Variants in SLC22A24 observed in about 807,000 individuals in gnomAD.
SLC22A24 encodes solute carrier family 22 member 24.
SLC22A24 carries 53 observed loss-of-function variants against 49.8 expected under a neutral mutation model. The ratio of observed to expected loss-of-function variants is 1.06; its 90% CI spans 0.85 to 1.34. The LOEUF (loss-of-function observed/expected upper bound fraction) is 1.34. Among genes scored for constraint, SLC22A24 ranks in the 40% most tolerant of loss-of-function variants. SLC22A24 has a pLI of 0.00. For synonymous variants in SLC22A24, 302 were observed against 256.4 expected (o/e 1.18, Z -1.70); for missense variants, 786 against 675.9 (o/e 1.16, Z -1.81).
chr11:63,100,103 T>C (rs1330120867), intron 5 of SLC22A24, among the ~76,000 whole-genome samples: 1 of 152,098 alleles, frequency 6.6e-6, no homozygotes, highest in African/African-American at 2.4e-5. Context: ...CAGATATAAA[T>C]GGCATCCAAA....
At chr11:63,142,123 T>C (rs904540503) in intron 1 of SLC22A24, among the ~76,000 whole-genome samples, 17 of 152,166 alleles carry the variant, frequency 1.1e-4, no homozygotes, top group African/African-American at 3.9e-4. Flanking sequence ...ACTAAAACTA[T>C]AGATGAGAGT....
chr11:63,130,576 A>G (rs11824793), intron 2 of SLC22A24, among the ~76,000 whole-genome samples: 4,163 of 152,322 alleles, frequency 0.027, 183 homozygotes, highest in African/African-American at 0.095. Flanking sequence ...TACCTATGGC[A>G]GAATTCGGCT....
At chr11:63,083,990 G>A (rs894855453) in intron 6 of SLC22A24, among the ~76,000 whole-genome samples, 6 of 152,024 alleles carry the variant, frequency 3.9e-5, no homozygotes, top group African/African-American at 9.7e-5. Context: ...GTATAATCTG[G>A]CCCACAGATT....
chr11:63,103,279 G>A (rs113532193), intron 5 of SLC22A24, among the ~76,000 whole-genome samples: 1 of 151,986 alleles, frequency 6.6e-6, no homozygotes, highest in East Asian at 1.9e-4. Flanking sequence ...AATGCTATTT[G>A]TCTTCCTTTT....
chr11:63,131,805 C>G (rs1204863301), intron 2 of SLC22A24, among the ~76,000 whole-genome samples: 1 of 152,098 alleles, frequency 6.6e-6, no homozygotes, highest in Admixed American at 6.6e-5. Flanking sequence ...CTCTGTATTT[C>G]CTGGATTTGA....
chr11:63,105,553 CAT>C (rs2087115604), intron 4 of SLC22A24, among the ~76,000 whole-genome samples: 1 of 152,218 alleles, frequency 6.6e-6, no homozygotes, highest in Non-Finnish European at 1.5e-5. Flanking sequence ...TTGGGGCTTG[CAT>C]CCTCTGAAGC....
chr11:63,142,755 C>T (rs2087423431), intron 1 of SLC22A24, among the ~76,000 whole-genome samples: 2 of 152,038 alleles, frequency 1.3e-5, no homozygotes, highest in Admixed American at 1.3e-4. Flanking sequence ...AGTGACTCAG[C>T]ACAAGAAGGC....
chr11:63,135,686 A>T (rs945390205), intron 1 of SLC22A24, among the ~76,000 whole-genome samples: 3 of 152,234 alleles, frequency 2.0e-5, no homozygotes, highest in South Asian at 2.1e-4. Flanking sequence ...TTTTATGTTT[A>T]TTTTTGACTA....
intron 2 of SLC22A24, among the ~76,000 whole-genome samples, chr11:63,126,167 G>A (rs1250544635): frequency 1.3e-5 from 2 of 152,220 alleles, no homozygotes; most frequent in East Asian, 3.9e-4. Flanking sequence ...AGTTTAATTA[G>A]ATCCCATTTG....
In SLC22A24 at chr11:63,132,509, G is replaced by C. The variant is rs548745745; in HGVS notation, c.506+2156C>G. Among the ~76,000 whole-genome samples the C allele has an allele frequency of 1.3e-3, 193 of 152,326 alleles. 1 individual carries two copies. The highest frequency in any genetic ancestry group is 4.5e-3 in the African/African-American group (186 of 41,566). ...GTTGATGGTGATGCTATTCCTTTCT[G>C]TTTGTTAGTTTTCATTCTAACAGTC... On this transcript the variant is annotated intron_variant, in intron 2 of 9. Coordinates refer to ENST00000612278, the MANE Select transcript of SLC22A24 (RefSeq NM_001136506.2).
intron 2 of SLC22A24, among the ~76,000 whole-genome samples, chr11:63,128,327 C>A (rs553098512): frequency 6.6e-6 from 1 of 152,040 alleles, no homozygotes; most frequent in Non-Finnish European, 1.5e-5. Context: ...TGGGAAGACA[C>A]CTGTTACCTA....
At position 63,080,017 on chromosome 11, in the gene SLC22A24, C is replaced by G. The variant is rs149833870; in HGVS notation, c.1599-17G>C. ...TCTTTTCTGCTGAGAAATAGAAATGCAAACAAAAACAAGATTAAGAAACAA... is the reference window on the plus strand; with the variant it reads ...TCTTTTCTGCTGAGAAATAGAAATGGAAACAAAAACAAGATTAAGAAACAA... On this transcript the variant is annotated splice_polypyrimidine_tract_variant and intron_variant, in intron 9 of 9. Transcript: ENST00000612278. 1 of 1,461,154 alleles carries G rather than the reference C, an allele frequency of 6.8e-7. No homozygotes were observed. The highest frequency in any genetic ancestry group is 2.0e-5 in the Admixed American group (1 of 50,594). The allele number at this position is 1,461,154 out of a possible 1,614,324, so 90.5% of individuals were successfully genotyped here.
Position 63,079,973 on chromosome 11 carries a change from CT to C in SLC22A24, c.1625del (p.Gln542ArgfsTer6), listed in dbSNP as rs1388674722. The C allele has an allele frequency of 1.3e-5, 20 of 1,546,648 alleles. No homozygotes were observed. Among genetic ancestry groups the C allele is most frequent in the African/African-American group, 8.2e-5 (6 of 72,942 alleles). On this transcript the variant is annotated frameshift_variant, in exon 10 of 10. Transcript: ENST00000612278. LOFTEE classifies it high-confidence loss of function. ...GTGTTACTTTCATGCAAGTATCTTC[CT>C]GCTTTATGTTTCTTGAATCTTTTCT... ...NDRKDSRNIK[Q>X]EDTCMKVTQF
At chr11:63,123,483 G>T (rs1194484999) in intron 2 of SLC22A24, among the ~76,000 whole-genome samples, 2 of 151,988 alleles carry the variant, frequency 1.3e-5, no homozygotes, top group Non-Finnish European at 2.9e-5. Context: ...ATTGTCTCTA[G>T]CTTTGACCTC....
intron 6 of SLC22A24, among the ~76,000 whole-genome samples, chr11:63,088,910 A>G (rs2087002834): frequency 1.3e-5 from 2 of 152,170 alleles, no homozygotes; most frequent in Admixed American, 1.3e-4. Context: ...AAAGCCTCCA[A>G]GAAACATGAG....
chr11:63,102,909 A>G (rs965024295), intron 5 of SLC22A24, among the ~76,000 whole-genome samples: 1 of 152,038 alleles, frequency 6.6e-6, no homozygotes, highest in East Asian at 1.9e-4. Flanking sequence ...TGCTGCTATC[A>G]TTATTGTATG....
At chr11:63,131,191 T>C (rs1388253190) in intron 2 of SLC22A24, among the ~76,000 whole-genome samples, 1 of 152,162 alleles carries the variant, frequency 6.6e-6, no homozygotes, top group Non-Finnish European at 1.5e-5. Context: ...CTGGGTTTCC[T>C]GAGTATAGCA....
At chr11:63,083,181 C>T (rs1253710240) in intron 7 of SLC22A24, 62 bp downstream of exon 7, 3 of 1,352,890 alleles carry the variant, frequency 2.2e-6, no homozygotes, top group African/African-American at 1.5e-5. Flanking sequence ...CATAAAAGAC[C>T]AATGTAATCC....
At chr11:63,091,782 C>A (rs1350651208) in intron 6 of SLC22A24, among the ~76,000 whole-genome samples, 1 of 152,076 alleles carries the variant, frequency 6.6e-6, no homozygotes, top group African/African-American at 2.4e-5. Context: ...CTATTTTTGA[C>A]AAATCCATAG....
Sources: gnomAD v4.1 joint callset for allele counts (sites outside exome capture counted in the v4.1 genomes callset) on GRCh38, gnomAD v4.1.1 for gene constraint, MANE v1.5 for transcripts, NCBI Gene and HGNC (gene_info 2026-07-23, HGNC 2026-07-21) for gene names.